Variants in ST3GAL1 observed in about 807,000 individuals in gnomAD.
ST3GAL1 encodes the protein CMP-N-acetylneuraminate-beta-galactosamide-alpha-2,3-sialyltransferase 1.
In ST3GAL1, 16 loss-of-function variants were observed where a neutral mutation model predicts 34.1. The ratio of observed to expected loss-of-function variants is 0.47; its 90% CI spans 0.32 to 0.71. The LOEUF (loss-of-function observed/expected upper bound fraction) is 0.71, where lower values mean the gene tolerates loss of function less well. ST3GAL1 is among the 30% of genes least tolerant of loss of function. ST3GAL1 has a pLI of 0.04. For missense variants in ST3GAL1, 353 were observed against 447.4 expected, an observed-to-expected ratio of 0.79 and a Z score of 1.90; for synonymous variants, 191 against 184.7, an observed-to-expected ratio of 1.03 and a Z score of -0.28.
At position 133,455,739 on chromosome 8, in the gene ST3GAL1, G is replaced by A. The variant is rs559671744; in HGVS notation, c.*4025C>T. ...TTTAGCTGGGCAGTGGCCCCTCGAG[G>A]CTCGGGCTTCCCTGCACAAGGTATT... On this transcript the variant is annotated 3_prime_UTR_variant, in exon 10 of 10. Transcript: ENST00000522652. 2.0e-5 allele frequency: 3 copies of A among 152,378 alleles called. No individual in the cohort carries two copies. The South Asian group carries it at 6.2e-4, about 32-fold the overall frequency. The allele number at this position is 152,378 out of a possible 1,614,324, so 9.4% of individuals were successfully genotyped here.
At position 133,454,880 on chromosome 8, in the gene ST3GAL1, G is replaced by A. The variant is rs1384530209; in HGVS notation, c.*4884C>T. On this transcript the variant is annotated 3_prime_UTR_variant, in exon 10 of 10. Transcript: ENST00000522652. ...AAATAGCTCTTTGTTTATTCACTTT[G>A]ATTTGGATCATTGGAAATATTAAAC... is the stretch of plus-strand genomic sequence containing the variant. 6.6e-6 allele frequency: 1 copy of A among 152,224 alleles called. No homozygotes were observed. The highest frequency in any genetic ancestry group is 1.5e-5 in the Non-Finnish European group (1 of 68,042). 9.4% of individuals were successfully genotyped at this position (152,224 alleles called of 1,614,324 possible).
At chr8:133,514,159 A>G (rs1817578024) in intron 2 of ST3GAL1, among the ~76,000 whole-genome samples, 1 of 152,246 alleles carries the variant, frequency 6.6e-6, no homozygotes, top group African/African-American at 2.4e-5. Context: ...TACAAAGAGT[A>G]GTTTTACTTC....
At chr8:133,563,070 T>C (rs908959341) in intron 1 of ST3GAL1, among the ~76,000 whole-genome samples, 1 of 152,136 alleles carries the variant, frequency 6.6e-6, no homozygotes, top group African/African-American at 2.4e-5. Context: ...TAAGTAAATA[T>C]GCATGAAGGG....
chr8:133,496,123 C>T (rs1261794814), intron 3 of ST3GAL1, among the ~76,000 whole-genome samples: 2 of 152,156 alleles, frequency 1.3e-5, no homozygotes, highest in African/African-American at 4.8e-5. Context: ...AGTCACACAG[C>T]GCAGGAGTTT....
In ST3GAL1 at chr8:133,514,439, G is replaced by A. The variant is rs530920602; in HGVS notation, c.-428-15250C>T. 3.3e-5 allele frequency among the ~76,000 whole-genome samples: 5 copies of A among 152,232 alleles called. No individual in the cohort carries two copies. In the South Asian group the frequency reaches 1.0e-3, roughly 32 times the overall value. ...GGGTGAGGGCTCCTTCCATGCCATG[G>A]AAGAGAATGGAACAGGCAGGAATCA... On this transcript the variant is annotated intron_variant, in intron 2 of 9. Transcript: ENST00000522652.
chr8:133,461,098 A>AC lies in ST3GAL1; in HGVS notation c.849+776dup, dbSNP rs1191636381. 6.6e-6 allele frequency among the ~76,000 whole-genome samples: 1 copy of AC among 151,914 alleles called. No individual in the cohort carries two copies. The highest frequency in any genetic ancestry group is 2.4e-5 in the African/African-American group (1 of 41,346). On this transcript the variant is annotated intron_variant, in intron 9 of 9. Coordinates refer to ENST00000522652, the MANE Select transcript of ST3GAL1 (RefSeq NM_173344.3). The surrounding 1 kb of genome is among the most constrained non-coding windows in gnomAD (Gnocchi z 4.7). The stretch of plus-strand genomic sequence containing the variant: ...GGTGGGGTGGGGAAATGACAGGGGC[A>AC]CCCATGTTTCTACCTGGGAACACCA...
chr8:133,460,202 G>A (rs1029891967), intron 9 of ST3GAL1, among the ~76,000 whole-genome samples: 2 of 152,118 alleles, frequency 1.3e-5, no homozygotes, highest in Admixed American at 1.3e-4. Flanking sequence ...TCAGGGGCCC[G>A]GGTCTTACCT....
intron 1 of ST3GAL1, among the ~76,000 whole-genome samples, chr8:133,569,736 C>A (rs1225666681): frequency 6.6e-6 from 1 of 152,178 alleles, no homozygotes; most frequent in African/African-American, 2.4e-5. Flanking sequence ...CCGCACTGGG[C>A]GCCCCTTCCC....
At chr8:133,480,605 G>C in intron 3 of ST3GAL1, among the ~76,000 whole-genome samples, 1 of 152,196 alleles carries the variant, frequency 6.6e-6, no homozygotes, top group Admixed American at 6.5e-5. Flanking sequence ...AAGCCACCAG[G>C]AGAGGTGGGT....
At chr8:133,462,226 GC>G (rs1815540233) in intron 8 of ST3GAL1, among the ~76,000 whole-genome samples, 1 of 152,150 alleles carries the variant, frequency 6.6e-6, no homozygotes, top group African/African-American at 2.4e-5. Context: ...GCAGAGGAGG[GC>G]CCTACAGGAC....
At chr8:133,559,768 A>C (rs900388095) in intron 1 of ST3GAL1, among the ~76,000 whole-genome samples, 3 of 152,246 alleles carry the variant, frequency 2.0e-5, no homozygotes, top group Admixed American at 6.5e-5. Context: ...GGTTGCCTCC[A>C]AGAGGCTCCC....
At chr8:133,507,996 G>A (rs922251428) in intron 2 of ST3GAL1, among the ~76,000 whole-genome samples, 1 of 151,256 alleles carries the variant, frequency 6.6e-6, no homozygotes, top group Admixed American at 6.6e-5. Context: ...TGCCTCCCCT[G>A]GGAGGTGCCC....
rs1815312576 is a variant in ST3GAL1, at chr8:133,456,658, C to T, written c.*3106G>A. 6.6e-6 allele frequency: 1 copy of T among 152,286 alleles called. No homozygotes were observed. The highest frequency in any genetic ancestry group is 2.4e-5 in the African/African-American group (1 of 41,470). The allele number at this position is 152,286 out of a possible 1,614,324, so 9.4% of individuals were successfully genotyped here. On this transcript the variant is annotated 3_prime_UTR_variant, in exon 10 of 10. Transcript: ENST00000522652. ...TAATTCTGGCTGCAACAACTGGATT[C>T]TGTTAAGTGCCCATTGCTAAGCCAA...
intron 2 of ST3GAL1, among the ~76,000 whole-genome samples, chr8:133,499,680 T>C (rs1181369822): frequency 6.6e-6 from 1 of 152,160 alleles, no homozygotes; most frequent in Non-Finnish European, 1.5e-5. Flanking sequence ...TTAAGGCCTT[T>C]CACATACATT....
Position 133,504,663 on chromosome 8 carries a change from T to C in ST3GAL1, c.-428-5474A>G, listed in dbSNP as rs546920475. Among the ~76,000 whole-genome samples, 5 of 152,272 alleles carry C rather than the reference T, an allele frequency of 3.3e-5. No homozygotes were observed. In the East Asian group the frequency reaches 9.7e-4, roughly 29 times the overall value. On this transcript the variant is annotated intron_variant, in intron 2 of 9. Coordinates refer to ENST00000522652, the MANE Select transcript of ST3GAL1 (RefSeq NM_173344.3). ...AGGTACAGGCTCTGCCCTCAAGAGC[T>C]TCCACTCAAGAGTATGAGATAGGAC...
chr8:133,557,658 A>C (rs1309142156), intron 1 of ST3GAL1, among the ~76,000 whole-genome samples: 1 of 152,004 alleles, frequency 6.6e-6, no homozygotes, highest in Non-Finnish European at 1.5e-5. Context: ...GACTAGCCTG[A>C]CCAACATGGT....
chr8:133,519,354 G>A (rs532819642), intron 2 of ST3GAL1, among the ~76,000 whole-genome samples: 1 of 152,250 alleles, frequency 6.6e-6, no homozygotes, highest in African/African-American at 2.4e-5. Context: ...GTGCAAGGAC[G>A]TACCTGGAGG....
At chr8:133,523,146 G>GC (rs1340230972) in intron 2 of ST3GAL1, among the ~76,000 whole-genome samples, 3 of 152,168 alleles carry the variant, frequency 2.0e-5, no homozygotes, top group African/African-American at 7.2e-5. Context: ...TCTCCCTTCT[G>GC]CCCTGCTGAG....
chr8:133,550,043 C>T (rs941214886), intron 1 of ST3GAL1, among the ~76,000 whole-genome samples: 1 of 152,228 alleles, frequency 6.6e-6, no homozygotes, highest in Non-Finnish European at 1.5e-5. Context: ...CTCAGTTTCT[C>T]AGCTTCTCTA....
Sources: gnomAD v4.1 joint callset for allele counts (sites outside exome capture counted in the v4.1 genomes callset) on GRCh38, gnomAD v4.1.1 for gene constraint, Gnocchi (gnomAD v3.1) non-coding constraint, MANE v1.5 for transcripts, NCBI Gene and HGNC (gene_info 2026-07-23, HGNC 2026-07-21) for gene names.